The following CUL5 variants were observed in gnomAD, a reference collection of about 807,000 sequenced individuals.
CUL5 encodes cullin 5, also known as cullin-5.
In CUL5, 26 loss-of-function variants were observed where a neutral mutation model predicts 108.8. That is an observed-to-expected ratio of 0.24 (90% CI 0.18 to 0.33). The LOEUF (loss-of-function observed/expected upper bound fraction) is 0.33. CUL5 is among the 10% of genes least tolerant of loss of function. The pLI is 1.00. For missense variants in CUL5, 524 were observed against 909.2 expected (o/e 0.58, Z 5.45); for synonymous variants, 334 against 298.0 (o/e 1.12, Z -1.25).
intron 1 of CUL5, among the ~76,000 whole-genome samples, chr11:108,020,616 A>G (rs1326337732): frequency 6.6e-6 from 1 of 151,890 alleles, no homozygotes; most frequent in East Asian, 1.9e-4. Context: ...TCCTGAGCTC[A>G]AGTGATCTTT....
intron 13 of CUL5, among the ~76,000 whole-genome samples, chr11:108,092,727 GA>G (rs1304278612): frequency 6.6e-6 from 1 of 152,154 alleles, no homozygotes; most frequent in Non-Finnish European, 1.5e-5. Flanking sequence ...TTGGGGTGAT[GA>G]AAATGTTCTA....
At chr11:108,054,067 A>G (rs533024583) in intron 5 of CUL5, among the ~76,000 whole-genome samples, 2 of 152,222 alleles carry the variant, frequency 1.3e-5, no homozygotes, top group East Asian at 1.9e-4. Context: ...GCTGGTCTTG[A>G]ACTCCTGACC....
At chr11:108,094,366 T>C (rs1449437984) in intron 13 of CUL5, 25 bp from the exon 14 acceptor site, 2 of 1,536,658 alleles carry the variant, frequency 1.3e-6, no homozygotes, top group Non-Finnish European at 1.8e-6. Flanking sequence ...TTATTACCTC[T>C]TCCTTCTTTG....
intron 2 of CUL5, among the ~76,000 whole-genome samples, chr11:108,038,620 A>G (rs1414500802): frequency 6.6e-6 from 1 of 151,420 alleles, no homozygotes; most frequent in Non-Finnish European, 1.5e-5. Flanking sequence ...GGTTGCAGTG[A>G]GCCAAGATTG....
intron 1 of CUL5, among the ~76,000 whole-genome samples, chr11:108,009,872 C>A (rs142400526): frequency 3.3e-5 from 5 of 152,166 alleles, no homozygotes; most frequent in South Asian, 2.1e-4. Flanking sequence ...ACTCCACCCC[C>A]CTTCCTCCCT....
intron 1 of CUL5, among the ~76,000 whole-genome samples, chr11:108,023,431 A>T (rs1416537316): frequency 6.6e-6 from 1 of 152,166 alleles, no homozygotes; most frequent in Non-Finnish European, 1.5e-5. Flanking sequence ...TTCTACTTGT[A>T]TTAATATTTT....
At chr11:108,087,840 C>T (rs1394402405) in intron 11 of CUL5, among the ~76,000 whole-genome samples, 1 of 152,044 alleles carries the variant, frequency 6.6e-6, no homozygotes, top group African/African-American at 2.4e-5. Context: ...TGGCGGGCAC[C>T]TGTAATCCCG....
intron 4 of CUL5, among the ~76,000 whole-genome samples, chr11:108,052,115 G>A (rs566828163): frequency 2.0e-5 from 3 of 152,052 alleles, no homozygotes; most frequent in Non-Finnish European, 4.4e-5. Context: ...ACAGGCACAT[G>A]CCAGCATGCC....
intron 7 of CUL5, among the ~76,000 whole-genome samples, chr11:108,058,907 G>C (rs1236564247): frequency 6.6e-6 from 1 of 152,144 alleles, no homozygotes; most frequent in Non-Finnish European, 1.5e-5. Context: ...TGTAAAACAA[G>C]GTAAGAGGCT....
At chr11:108,033,483 G>T (rs1862646934) in intron 1 of CUL5, among the ~76,000 whole-genome samples, 2 of 152,104 alleles carry the variant, frequency 1.3e-5, no homozygotes, top group African/African-American at 4.8e-5. Context: ...ATGACCCAAG[G>T]CCTCCCAAAG....
chr11:108,047,644 T>C (rs1163222973), intron 3 of CUL5, among the ~76,000 whole-genome samples: 1 of 152,202 alleles, frequency 6.6e-6, no homozygotes, highest in Non-Finnish European at 1.5e-5. Context: ...CTTGACAAAT[T>C]TTTTAAATTG....
At chr11:108,080,276 A>G (rs1864045493) in intron 11 of CUL5, among the ~76,000 whole-genome samples, 2 of 151,008 alleles carry the variant, frequency 1.3e-5, no homozygotes, top group African/African-American at 2.4e-5. Flanking sequence ...TCTTTTAGAG[A>G]TGAGGTCTTG....
chr11:108,016,803 A>G (rs535038584), intron 1 of CUL5, among the ~76,000 whole-genome samples: 1 of 152,108 alleles, frequency 6.6e-6, no homozygotes, highest in African/African-American at 2.4e-5. Context: ...CAAACAAAAA[A>G]AAACAAACAA....
At chr11:108,033,761 G>A in intron 1 of CUL5, 41 bp from the exon 2 acceptor site, 1 of 1,224,778 alleles carries the variant, frequency 8.2e-7, no homozygotes, top group Non-Finnish European at 1.2e-6. Flanking sequence ...TTATTTAACT[G>A]CATTTAAATT....
chr11:108,078,014 T>G (rs955639779), intron 10 of CUL5, among the ~76,000 whole-genome samples, 162 bp from the exon 11 acceptor site: 1 of 152,178 alleles, frequency 6.6e-6, no homozygotes, highest in African/African-American at 2.4e-5. Flanking sequence ...AATTATAATA[T>G]GACAAAGAAC....
intron 2 of CUL5, among the ~76,000 whole-genome samples, chr11:108,039,081 C>T (rs991765209): frequency 1.3e-5 from 2 of 151,668 alleles, no homozygotes; most frequent in African/African-American, 4.8e-5. Context: ...AGTGCAATGG[C>T]GCAATCTCGG....
At chr11:108,103,926 T>G (rs1162672908) in intron 18 of CUL5, among the ~76,000 whole-genome samples, 1 of 152,184 alleles carries the variant, frequency 6.6e-6, no homozygotes, top group Non-Finnish European at 1.5e-5. Context: ...GTCATCTACA[T>G]GAGGTGTTTC....
rs752477055 is a variant in CUL5, at chr11:108,009,304, G to A, written c.-45G>A. ...CTCCGGTCAAGGCCTGGCCGGGAGC[G>A]CCACGAATTCTCGCGTCGTCTCGCG... On this transcript the variant is annotated 5_prime_UTR_variant, in exon 1 of 19. Transcript: ENST00000393094. The A allele has an allele frequency of 1.2e-6, 2 of 1,611,154 alleles. 1 individual carries two copies. The highest frequency in any genetic ancestry group is 2.2e-5 in the South Asian group (2 of 90,656).
intron 7 of CUL5, among the ~76,000 whole-genome samples, chr11:108,062,745 C>CT: frequency 6.6e-6 from 1 of 152,108 alleles, no homozygotes; most frequent in East Asian, 1.9e-4. Context: ...CAATTATATT[C>CT]TTTTATTATT....
Sources: gnomAD v4.1 joint callset for allele counts (sites outside exome capture counted in the v4.1 genomes callset) on GRCh38, gnomAD v4.1.1 for gene constraint, MANE v1.5 for transcripts, NCBI Gene and HGNC (gene_info 2026-07-23, HGNC 2026-07-21) for gene names.